Variants in UGP2 observed in about 807,000 individuals in gnomAD.
UGP2 encodes the protein UDP-glucose pyrophosphorylase 2.
A neutral mutation model predicts 49.0 loss-of-function variants in UGP2; 40 were observed. That is an observed-to-expected ratio of 0.82 (90% CI 0.63 to 1.06). UGP2 has a LOEUF of 1.06. UGP2 is among the 50% of genes least tolerant of loss of function. The pLI is 0.00. For missense variants in UGP2, 460 were observed against 603.5 expected (o/e 0.76, Z 2.49); for synonymous variants, 225 against 213.0 (o/e 1.06, Z -0.49).
chr2:63,862,863 A>T (rs1669944420), intron 3 of UGP2: 1 of 456,320 alleles, frequency 2.2e-6, no homozygotes, highest in East Asian at 6.9e-5. Context: ...GAAGGGAGAT[A>T]CAAGATGATT....
intron 3 of UGP2, among the ~76,000 whole-genome samples, chr2:63,878,062 T>C (rs549104548): frequency 5.9e-5 from 9 of 151,804 alleles, no homozygotes; most frequent in Admixed American, 1.3e-4. Context: ...ATAAGTTGGT[T>C]ATTTCTTAGC....
At chr2:63,865,790 C>G (rs1670148231) in intron 3 of UGP2, among the ~76,000 whole-genome samples, 1 of 152,112 alleles carries the variant, frequency 6.6e-6, no homozygotes. Context: ...CTACCTAGGT[C>G]TCCCAAAGTG....
intron 5 of UGP2, 52 bp from the exon 6 acceptor site, chr2:63,885,537 C>T: frequency 2.2e-6 from 3 of 1,377,946 alleles, no homozygotes; most frequent in South Asian, 3.5e-5. Flanking sequence ...ATTTAAAGGC[C>T]TGAAATGCTC....
At chr2:63,880,764 C>T (rs1671248232) in intron 3 of UGP2, among the ~76,000 whole-genome samples, 1 of 152,130 alleles carries the variant, frequency 6.6e-6, no homozygotes, top group Admixed American at 6.5e-5. Context: ...TCACCTGGAC[C>T]ACATGCTGCA....
upstream of UGP2, chr2:63,841,135 G>C (rs1394726404): frequency 6.6e-6 from 1 of 152,182 alleles, no homozygotes; most frequent in African/African-American, 2.4e-5. Context: ...AAGAGAGAGA[G>C]AGAGAAGGGC....
At chr2:63,851,315 C>A (rs1479798223) in intron 1 of UGP2, among the ~76,000 whole-genome samples, 1 of 152,056 alleles carries the variant, frequency 6.6e-6, no homozygotes, top group Non-Finnish European at 1.5e-5. Flanking sequence ...TTTTTTCCCC[C>A]TCAAGAGAAT....
At chr2:63,863,317 A>G (rs1230999004) in intron 3 of UGP2, among the ~76,000 whole-genome samples, 2 of 152,172 alleles carry the variant, frequency 1.3e-5, no homozygotes, top group African/African-American at 4.8e-5. Context: ...ATCGTTTGCC[A>G]TCTGTAACCA....
chr2:63,848,659 G>A (rs1668833235), intron 1 of UGP2, among the ~76,000 whole-genome samples: 1 of 152,230 alleles, frequency 6.6e-6, no homozygotes, highest in Non-Finnish European at 1.5e-5. Context: ...ACTGCGCCCA[G>A]CCAATTCTTA....
At chr2:63,868,345 C>T (rs1021854823) in intron 3 of UGP2, among the ~76,000 whole-genome samples, 1 of 152,136 alleles carries the variant, frequency 6.6e-6, no homozygotes, top group African/African-American at 2.4e-5. Flanking sequence ...GATCTTTGAT[C>T]ATCTATCATT....
At chr2:63,887,899 C>G in intron 8 of UGP2, 1 of 446,204 alleles carries the variant, frequency 2.2e-6, no homozygotes. Context: ...TCTTCCAAGA[C>G]CAGTACTGCT....
At chr2:63,844,862 A>C (rs1328004626) in intron 1 of UGP2, among the ~76,000 whole-genome samples, 2 of 152,210 alleles carry the variant, frequency 1.3e-5, no homozygotes, top group Non-Finnish European at 2.9e-5. Flanking sequence ...AGTGCACAGC[A>C]CTGAAATTCT....
At chr2:63,859,652 A>G (rs1332718113) in intron 3 of UGP2, among the ~76,000 whole-genome samples, 4 of 152,224 alleles carry the variant, frequency 2.6e-5, no homozygotes, top group Admixed American at 6.5e-5. Flanking sequence ...TACTGATAGT[A>G]ATACAGAATT....
chr2:63,855,567 G>A (rs1669354800), intron 1 of UGP2: 1 of 298,872 alleles, frequency 3.3e-6, no homozygotes, highest in Non-Finnish European at 6.4e-6. Flanking sequence ...TTTGAGACAG[G>A]ATCTGCCTCT....
chr2:63,841,929 A>G lies in UGP2; in HGVS notation c.-257A>G. 2.3e-6 allele frequency: 1 copy of G among 430,692 alleles called. No homozygotes were observed. 26.7% of individuals were successfully genotyped at this position (430,692 alleles called of 1,614,324 possible). ...CCAGCTGGCCCTCATTTGTGTCCGG[A>G]GCTCAGGAGTTCCCAAACCGACTCA... is the stretch of plus-strand genomic sequence containing the variant. On this transcript the variant is annotated 5_prime_UTR_variant, in exon 1 of 10. Coordinates refer to ENST00000337130, the MANE Select transcript of UGP2 (RefSeq NM_006759.4).
At chr2:63,850,316 T>C (rs958600580) in intron 1 of UGP2, among the ~76,000 whole-genome samples, 8 of 152,224 alleles carry the variant, frequency 5.3e-5, no homozygotes, top group Admixed American at 2.6e-4. Context: ...ATTTTTGTTA[T>C]CAAAAAGCAT....
At chr2:63,879,273 A>G (rs1671133836) in intron 3 of UGP2, among the ~76,000 whole-genome samples, 1 of 152,160 alleles carries the variant, frequency 6.6e-6, no homozygotes, top group South Asian at 2.1e-4. Context: ...ACTGAGTTTT[A>G]TGTTTATTGT....
intron 8 of UGP2, chr2:63,889,250 AAC>A (rs1398392936): frequency 6.6e-6 from 1 of 152,162 alleles, no homozygotes; most frequent in Non-Finnish European, 1.5e-5. Context: ...CTTAAAGAGA[AAC>A]AGAGAAATGG....
chr2:63,849,388 C>A (rs1027470538), intron 1 of UGP2, among the ~76,000 whole-genome samples: 1 of 152,122 alleles, frequency 6.6e-6, no homozygotes, highest in African/African-American at 2.4e-5. Flanking sequence ...ATATGCCTGC[C>A]TAGAATTTTA....
chr2:63,855,522 T>TTTTTTTTTTTG, intron 1 of UGP2: 1 of 48,876 alleles, frequency 2.0e-5, no homozygotes. Flanking sequence ...CTTTTTCTGT[T>TTTTTTTTTTTG]TTTTTTTTTT....
Sources: gnomAD v4.1 joint callset for allele counts (sites outside exome capture counted in the v4.1 genomes callset) on GRCh38, gnomAD v4.1.1 for gene constraint, MANE v1.5 for transcripts, NCBI Gene and HGNC (gene_info 2026-07-23, HGNC 2026-07-21) for gene names.